Variants in POU2F2 observed in about 807,000 individuals in gnomAD.
POU2F2 encodes the protein POU domain, class 2, transcription factor 2.
Under a neutral mutation model 63.5 loss-of-function variants are expected in POU2F2, and 14 were observed. The observed-to-expected ratio is 0.22, with a 90% CI of 0.15 to 0.34. The LOEUF (loss-of-function observed/expected upper bound fraction) is 0.34. POU2F2 is among the 10% of genes least tolerant of loss of function. The pLI is 1.00. For synonymous variants in POU2F2, 306 were observed against 348.6 expected, an observed-to-expected ratio of 0.88 and a Z score of 1.36; for missense variants, 607 against 815.2, an observed-to-expected ratio of 0.74 and a Z score of 3.11.
At chr19:42,185,205 T>A (rs112606622) in intron 1 of POU2F2, among the ~76,000 whole-genome samples, 1 of 152,180 alleles carries the variant, frequency 6.6e-6, no homozygotes, top group African/African-American at 2.4e-5. Flanking sequence ...CAACCGAGTA[T>A]TTCTCAAATC....
In POU2F2 at chr19:42,117,246, T is replaced by C; in HGVS notation, c.369+4A>G. On this transcript the variant is annotated splice_donor_region_variant and intron_variant, in intron 5 of 14. Transcript: ENST00000692977. This position sits in a 1 kb window ranked among gnomAD's most constrained non-coding sequence, Gnocchi z 4.4. The stretch of plus-strand genomic sequence containing the variant: ...CTCGTCCCCATCCTTCCCCAAGTAC[T>C]TACCCCAGCTAGCTGGCTGCCCGTC... 2 of 1,474,110 alleles carry C rather than the reference T, an allele frequency of 1.4e-6. No homozygotes were observed. The highest frequency in any genetic ancestry group is 1.8e-6 in the Non-Finnish European group (2 of 1,118,292). 91.3% of individuals were successfully genotyped at this position (1,474,110 alleles called of 1,614,324 possible).
intron 1 of POU2F2, among the ~76,000 whole-genome samples, chr19:42,186,013 C>T (rs901506988): frequency 6.6e-6 from 1 of 152,176 alleles, no homozygotes; most frequent in Non-Finnish European, 1.5e-5. Flanking sequence ...CCTCGGCCGC[C>T]CCAGTAGCTG....
chr19:42,107,471 A>G (rs2030296914), intron 5 of POU2F2, among the ~76,000 whole-genome samples: 1 of 152,270 alleles, frequency 6.6e-6, no homozygotes, highest in African/African-American at 2.4e-5. Context: ...ATCCAGCAAT[A>G]GATCTGATGA....
intron 5 of POU2F2, among the ~76,000 whole-genome samples, chr19:42,102,408 T>C (rs536314973): frequency 2.6e-4 from 39 of 152,324 alleles, no homozygotes; most frequent in African/African-American, 8.7e-4. Context: ...TGCTCACAGC[T>C]GTATACCTAT....
chr19:42,106,736 C>G (rs2030083118), intron 5 of POU2F2, among the ~76,000 whole-genome samples: 1 of 143,338 alleles, frequency 7.0e-6, no homozygotes, highest in African/African-American at 2.6e-5. Flanking sequence ...ATGGCAAGAC[C>G]CTGTCTCTAC....
At chr19:42,178,133 A>G (rs1408446216), upstream of POU2F2, among the ~76,000 whole-genome samples, 1 of 152,014 alleles carries the variant, frequency 6.6e-6, no homozygotes, top group East Asian at 1.9e-4. Context: ...ATAGAGACAC[A>G]GGAACAGAGT....
chr19:42,184,717 A>C (rs1352183560), intron 1 of POU2F2, among the ~76,000 whole-genome samples: 5 of 150,682 alleles, frequency 3.3e-5, no homozygotes, highest in African/African-American at 5.0e-5. Context: ...AGCCACAAAT[A>C]TCTTTTCAAA....
intron 1 of POU2F2, among the ~76,000 whole-genome samples, chr19:42,183,162 T>C (rs1478567377): frequency 6.6e-6 from 1 of 152,196 alleles, no homozygotes; most frequent in Non-Finnish European, 1.5e-5. Flanking sequence ...CTGAATACTA[T>C]CACGAATTAG....
chr19:42,176,719 C>A (rs993475575), upstream of POU2F2, among the ~76,000 whole-genome samples: 1 of 151,304 alleles, frequency 6.6e-6, no homozygotes, highest in Non-Finnish European at 1.5e-5. Context: ...CAAGCTGACC[C>A]CCCCCATCCC....
intron 2 of POU2F2, among the ~76,000 whole-genome samples, chr19:42,158,025 G>T (rs553780034): frequency 1.3e-5 from 2 of 152,322 alleles, no homozygotes; most frequent in South Asian, 4.1e-4. Flanking sequence ...TCCAAGTGTG[G>T]CTATAAAGGA....
At chr19:42,099,479 C>T (rs772034632) in intron 7 of POU2F2, 48 bp downstream of exon 7, 2 of 1,507,628 alleles carry the variant, frequency 1.3e-6, no homozygotes, top group Non-Finnish European at 1.8e-6. Context: ...CAGCTTTCAG[C>T]AGGCCTTGCT....
intron 1 of POU2F2, among the ~76,000 whole-genome samples, chr19:42,130,511 C>A (rs988560357): frequency 6.6e-6 from 1 of 152,010 alleles, no homozygotes; most frequent in African/African-American, 2.4e-5. Context: ...TGTGAGAAAT[C>A]CCAAGTAAAG....
rs1039892229 is a variant in POU2F2, at chr19:42,096,657, A to G, written c.568-414T>C. ...CCCAGGCCTCACTTTCCCCCTCTGC[A>G]GGATGGGAACAATCACTGCTGTTCT... On this transcript the variant is annotated intron_variant, in intron 7 of 14. Transcript: ENST00000692977. This position sits in a 1 kb window ranked among gnomAD's most constrained non-coding sequence, Gnocchi z 4.1. Among the ~76,000 whole-genome samples the G allele has an allele frequency of 9.8e-5, 15 of 152,344 alleles. No individual in the cohort carries two copies. Among genetic ancestry groups the G allele is most frequent in the Admixed American group, 5.9e-4 (9 of 15,296 alleles).
intron 1 of POU2F2, among the ~76,000 whole-genome samples, chr19:42,124,291 G>A (rs2032972364): frequency 7.3e-6 from 1 of 136,390 alleles, no homozygotes; most frequent in African/African-American, 2.8e-5. Context: ...GTGACAGAGT[G>A]AGACCCTGTC....
At chr19:42,133,666 A>G (rs1033710792), upstream of POU2F2, among the ~76,000 whole-genome samples, 2 of 151,880 alleles carry the variant, frequency 1.3e-5, no homozygotes, top group African/African-American at 4.8e-5. This position sits in a 1 kb window ranked among gnomAD's most constrained non-coding sequence, Gnocchi z 5.1. Context: ...GCATGAACAC[A>G]TCTATGTGCA....
chr19:42,148,853 T>C (rs1456734421), intron 2 of POU2F2, among the ~76,000 whole-genome samples: 1 of 151,082 alleles, frequency 6.6e-6, no homozygotes, highest in Non-Finnish European at 1.5e-5. Context: ...TCACGGCCCC[T>C]GCTCTGGGGA....
rs762692469 is a variant in POU2F2 at position 42,091,254 on chromosome 19, C to G, written c.*3G>C. 201 of 1,523,978 alleles carry G rather than the reference C, an allele frequency of 1.3e-4. No individual in the cohort carries two copies. The highest frequency in any genetic ancestry group is 1.7e-4 in the Non-Finnish European group (197 of 1,140,952). 94.4% of individuals were successfully genotyped at this position (1,523,978 alleles called of 1,614,324 possible). ...GGAATGGGAGGGGAGGCATGGCTGG[C>G]CCTCACTCAGGTTTGGACCCTGCCT... is the stretch of plus-strand genomic sequence containing the variant. On this transcript the variant is annotated 3_prime_UTR_variant, in exon 15 of 15. Transcript: ENST00000692977.
chr19:42,120,063 T>G (rs1011821486), intron 4 of POU2F2, among the ~76,000 whole-genome samples: 1 of 151,902 alleles, frequency 6.6e-6, no homozygotes, highest in African/African-American at 2.4e-5. Flanking sequence ...ACTACAGGCA[T>G]GCACACCCAG....
At chr19:42,184,833 G>A (rs1229776989) in intron 1 of POU2F2, among the ~76,000 whole-genome samples, 1 of 152,064 alleles carries the variant, frequency 6.6e-6, no homozygotes, top group Non-Finnish European at 1.5e-5. Flanking sequence ...CTCTATGCTG[G>A]TAATCCCTAA....
Sources: allele counts gnomAD v4.1 joint callset (sites outside exome capture counted in the v4.1 genomes callset), GRCh38; gene constraint gnomAD v4.1.1; non-coding constraint Gnocchi (gnomAD v3.1); transcripts MANE v1.5; gene names NCBI Gene and HGNC (gene_info 2026-07-23, HGNC 2026-07-21).